The following LRRTM3 variants were observed in gnomAD, a reference collection of about 807,000 sequenced individuals.
LRRTM3 encodes leucine rich repeat transmembrane neuronal 3.
A neutral mutation model predicts 44.7 loss-of-function variants in LRRTM3; 24 were observed. The observed-to-expected ratio is 0.54, with a 90% CI of 0.39 to 0.76. LRRTM3 has a LOEUF of 0.76. Among genes scored for constraint, LRRTM3 ranks in the 30% least tolerant of loss-of-function variants. The pLI, the probability that LRRTM3 is intolerant of heterozygous loss-of-function variation, is 0.00. For synonymous variants in LRRTM3, 277 were observed against 278.7 expected, an observed-to-expected ratio of 0.99 and a Z score of 0.06; for missense variants, 587 against 702.2, an observed-to-expected ratio of 0.84 and a Z score of 1.85.
At position 66,927,768 on chromosome 10, in the gene LRRTM3, C is replaced by T. The variant is rs774779160; in HGVS notation, c.852C>T (p.Asn284=). 1.5e-5 allele frequency: 24 copies of T among 1,614,062 alleles called. 1 individual carries two copies. The African/African-American group carries it at 2.3e-4, about 15-fold the overall frequency. Reference sequence around the variant, plus strand: ...GTGTCCCGAATCTGCAGCGCCTCAACCTGGATTCCAACAAGCTCACATTTA... The same window carrying T: ...GTGTCCCGAATCTGCAGCGCCTCAATCTGGATTCCAACAAGCTCACATTTA... ...FQCVPNLQRL[N]LDSNKLTFIG... is the part of the protein sequence containing the mutation. The change falls in exon 2 of 3, where the codon AAC becomes AAT. Residue 284 remains asparagine, a synonymous_variant. Coordinates refer to ENST00000361320, the MANE Select transcript of LRRTM3 (RefSeq NM_178011.5). This position sits in a 1 kb window ranked among gnomAD's most constrained non-coding sequence, Gnocchi z 4.7.
chr10:67,020,720 G>T lies in LRRTM3; in HGVS notation c.1537-76867G>T, dbSNP rs1006289154. On this transcript the variant is annotated intron_variant, in intron 2 of 2. Transcript: ENST00000361320. The stretch of plus-strand genomic sequence containing the variant: ...GGGGAGAATAAGCACTAAAACCTGG[G>T]TTTTAAAAAGGCATAATGAAAATAC... Among the ~76,000 whole-genome samples the T allele has an allele frequency of 1.3e-5, 2 of 152,078 alleles. 1 individual carries two copies. Among genetic ancestry groups the T allele is most frequent in the Non-Finnish European group, 2.9e-5 (2 of 68,000 alleles).
At chr10:67,089,073 TACTAC>T (rs1158935066) in intron 2 of LRRTM3, among the ~76,000 whole-genome samples, 1 of 151,980 alleles carries the variant, frequency 6.6e-6, no homozygotes, top group African/African-American at 2.4e-5. Flanking sequence ...TAAATGTAAG[TACTAC>T]ACACCATTTT....
intron 2 of LRRTM3, among the ~76,000 whole-genome samples, chr10:66,952,987 C>T (rs895674510): frequency 5.3e-5 from 8 of 151,898 alleles, no homozygotes; most frequent in Non-Finnish European, 1.2e-4. Flanking sequence ...TTTTCAAAAA[C>T]CTGGAGCTAT....
chr10:67,075,981 C>T (rs1336704461), intron 2 of LRRTM3, among the ~76,000 whole-genome samples: 1 of 152,140 alleles, frequency 6.6e-6, no homozygotes, highest in Non-Finnish European at 1.5e-5. Context: ...ATATAAACCT[C>T]TCTCTTTTTT....
intron 1 of LRRTM3, 53 bp from the exon 2 acceptor site, chr10:66,926,868 A>C (rs1847109384): frequency 6.8e-7 from 1 of 1,475,642 alleles, no homozygotes; most frequent in Admixed American, 2.4e-5. Context: ...TGCTTGATTA[A>C]GGATTAATTC....
intron 2 of LRRTM3, among the ~76,000 whole-genome samples, chr10:67,072,978 C>T (rs999970670): frequency 1.3e-5 from 2 of 152,278 alleles, no homozygotes; most frequent in African/African-American, 4.8e-5. Flanking sequence ...CAGTTTGTCC[C>T]AGCCTTGCAG....
intron 2 of LRRTM3, among the ~76,000 whole-genome samples, chr10:66,928,840 A>G (rs1024076875): frequency 9.2e-5 from 14 of 152,186 alleles, no homozygotes; most frequent in African/African-American, 3.1e-4. Flanking sequence ...GAAGGTTTGC[A>G]CCTCACTGGC....
At chr10:67,094,990 T>C (rs1857888923) in intron 2 of LRRTM3, among the ~76,000 whole-genome samples, 1 of 151,520 alleles carries the variant, frequency 6.6e-6, no homozygotes, top group Non-Finnish European at 1.5e-5. Context: ...TTTGAAACTA[T>C]AAGTAATTGG....
chr10:66,946,637 A>T (rs1848288248), intron 2 of LRRTM3, among the ~76,000 whole-genome samples: 1 of 152,114 alleles, frequency 6.6e-6, no homozygotes, highest in Non-Finnish European at 1.5e-5. Context: ...GCAATCATAA[A>T]GCATGTACTT....
intron 2 of LRRTM3, chr10:67,054,683 A>G (rs1225574245): frequency 6.6e-6 from 1 of 152,180 alleles, no homozygotes; most frequent in Non-Finnish European, 1.5e-5. Flanking sequence ...GAGAGGCACT[A>G]AGAATGAGAT....
At chr10:67,064,192 T>C (rs531811796) in intron 2 of LRRTM3, among the ~76,000 whole-genome samples, 1 of 152,294 alleles carries the variant, frequency 6.6e-6, no homozygotes, top group East Asian at 1.9e-4. Flanking sequence ...ATTAGAACAT[T>C]TGAATTGTTA....
At chr10:67,077,671 A>C (rs1489181496) in intron 2 of LRRTM3, among the ~76,000 whole-genome samples, 1 of 152,152 alleles carries the variant, frequency 6.6e-6, no homozygotes, top group African/African-American at 2.4e-5. Flanking sequence ...CCAACATCAA[A>C]ATTTGTAATC....
intron 2 of LRRTM3, among the ~76,000 whole-genome samples, chr10:66,978,960 C>CTTTTTTTTT (rs34112681): frequency 1.2e-5 from 1 of 83,790 alleles, no homozygotes; most frequent in Non-Finnish European, 2.2e-5. Context: ...TACTTATTTC[C>CTTTTTTTTT]TTTTTTTTTT....
At chr10:67,043,904 T>C (rs149927031) in intron 2 of LRRTM3, among the ~76,000 whole-genome samples, 195 of 146,160 alleles carry the variant, frequency 1.3e-3, no homozygotes, top group African/African-American at 4.6e-3. Context: ...ATTGGAGAAT[T>C]TTAATGCAAA....
chr10:67,082,043 G>T (rs1242244852), intron 2 of LRRTM3, among the ~76,000 whole-genome samples: 2 of 152,192 alleles, frequency 1.3e-5, no homozygotes, highest in Non-Finnish European at 2.9e-5. Context: ...GGCTACCTTT[G>T]TTAGAAGTTT....
chr10:67,053,454 A>C (rs1421210265), intron 2 of LRRTM3, among the ~76,000 whole-genome samples: 1 of 152,188 alleles, frequency 6.6e-6, no homozygotes, highest in Admixed American at 6.5e-5. Context: ...AATACTAAGA[A>C]TTTTAGATTA....
Position 67,017,857 on chromosome 10 carries a change from C to A in LRRTM3, c.1537-79730C>A, listed in dbSNP as rs183338625. On this transcript the variant is annotated intron_variant, in intron 2 of 2. Coordinates refer to ENST00000361320, the MANE Select transcript of LRRTM3 (RefSeq NM_178011.5). ...CAATCTCGGCTCACTGCAACCTCCGCCTCCAGGGTTCAAGCGATTCTCCTG... is the reference window on the plus strand; with the variant it reads ...CAATCTCGGCTCACTGCAACCTCCGACTCCAGGGTTCAAGCGATTCTCCTG... Among the ~76,000 whole-genome samples, 611 of 152,176 alleles carry A rather than the reference C, an allele frequency of 4.0e-3. 3 individuals carry two copies. The highest frequency in any genetic ancestry group is 6.8e-3 in the Middle Eastern group (2 of 294).
At chr10:67,058,960 T>C (rs556127902) in intron 2 of LRRTM3, among the ~76,000 whole-genome samples, 1 of 152,324 alleles carries the variant, frequency 6.6e-6, no homozygotes, top group Admixed American at 6.5e-5. Flanking sequence ...AGGCAAGAAA[T>C]TATTTTTATC....
intron 2 of LRRTM3, among the ~76,000 whole-genome samples, chr10:66,970,502 TG>T (rs11367465): frequency 0.21 from 29,664 of 138,578 alleles, 3,526 homozygotes; most frequent in African/African-American, 0.24. Flanking sequence ...TATTCTTGGG[TG>T]GGGGGGGGAT....
Sources: gnomAD v4.1 joint callset for allele counts (sites outside exome capture counted in the v4.1 genomes callset) on GRCh38, gnomAD v4.1.1 for gene constraint, Gnocchi (gnomAD v3.1) non-coding constraint, MANE v1.5 for transcripts, NCBI Gene and HGNC (gene_info 2026-07-23, HGNC 2026-07-21) for gene names.